The following PARD3 variants were observed in gnomAD, a reference collection of about 807,000 sequenced individuals.
The protein encoded by PARD3 is partitioning defective 3 homolog.
A neutral mutation model predicts 155.4 loss-of-function variants in PARD3; 75 were observed. The observed-to-expected ratio is 0.48, with a 90% CI of 0.40 to 0.58. The LOEUF is 0.58. Among genes scored for constraint, PARD3 ranks in the 20% least tolerant of loss-of-function variants. PARD3 has a pLI of 0.00. For missense variants in PARD3, 1,642 were observed against 1,721.7 expected (o/e 0.95, Z 0.82); for synonymous variants, 576 against 610.5 (o/e 0.94, Z 0.83).
At chr10:34,118,282 C>T (rs1946793286) in intron 24 of PARD3, among the ~76,000 whole-genome samples, 1 of 152,184 alleles carries the variant, frequency 6.6e-6, no homozygotes, top group African/African-American at 2.4e-5. Flanking sequence ...ATCCATGTCC[C>T]CTTGGCTGAC....
chr10:34,187,402 C>T (rs772129933), intron 22 of PARD3, among the ~76,000 whole-genome samples: 5 of 152,154 alleles, frequency 3.3e-5, no homozygotes, highest in Non-Finnish European at 4.4e-5. Flanking sequence ...ACAAGTACAA[C>T]AAAAACAGAT....
intron 22 of PARD3, among the ~76,000 whole-genome samples, chr10:34,263,303 T>C (rs1252465159): frequency 6.6e-6 from 1 of 152,164 alleles, no homozygotes; most frequent in Non-Finnish European, 1.5e-5. Flanking sequence ...CAAGTACCAT[T>C]ATTATCCCCA....
At position 34,162,561 on chromosome 10, in the gene PARD3, G is replaced by A. The variant is rs1051009682; in HGVS notation, c.3420-30978C>T. On this transcript the variant is annotated intron_variant, in intron 22 of 24. Coordinates refer to ENST00000374788, the MANE Select transcript of PARD3 (RefSeq NM_001184785.2). Reference sequence around the variant, plus strand: ...ATTTTGGCAGTGCCTACTATGCTATGTGTTATGCATAAAGTGATCACTAGA... The same window carrying A: ...ATTTTGGCAGTGCCTACTATGCTATATGTTATGCATAAAGTGATCACTAGA... 2.0e-5 allele frequency among the ~76,000 whole-genome samples: 3 copies of A among 152,280 alleles called. No individual in the cohort carries two copies. In the South Asian group the frequency reaches 6.2e-4, roughly 32 times the overall value.
At chr10:34,282,174 A>G (rs1041411261) in intron 21 of PARD3, among the ~76,000 whole-genome samples, 3 of 149,898 alleles carry the variant, frequency 2.0e-5, no homozygotes, top group Non-Finnish European at 3.0e-5. Context: ...CAAAATCCAT[A>G]AGTTTAAATA....
chr10:34,786,810 ATTTC>A (rs1385143687), intron 1 of PARD3, among the ~76,000 whole-genome samples: 1 of 152,152 alleles, frequency 6.6e-6, no homozygotes, highest in East Asian at 1.9e-4. Flanking sequence ...TCCTACATAT[ATTTC>A]TTTTCCAATA....
At chr10:34,346,355 C>A in intron 15 of PARD3, 1 of 1,282,488 alleles carries the variant, frequency 7.8e-7, no homozygotes, top group South Asian at 1.3e-5. Context: ...TTTAGTTTTT[C>A]GCCTTCCTCT....
chr10:34,240,430 C>CA (rs1386356733), intron 22 of PARD3, among the ~76,000 whole-genome samples: 2 of 152,022 alleles, frequency 1.3e-5, no homozygotes, highest in African/African-American at 4.8e-5. Context: ...AAGTTTTATA[C>CA]AAAAAAGTAT....
chr10:34,255,892 T>C (rs542934522), intron 22 of PARD3, among the ~76,000 whole-genome samples: 3 of 152,216 alleles, frequency 2.0e-5, no homozygotes, highest in Non-Finnish European at 2.9e-5. Context: ...CTATATACAT[T>C]TGTAGTATAA....
At chr10:34,683,448 G>C (rs1053040334) in intron 2 of PARD3, among the ~76,000 whole-genome samples, 3 of 151,218 alleles carry the variant, frequency 2.0e-5, no homozygotes, top group Non-Finnish European at 4.4e-5. Flanking sequence ...CCCATTTACA[G>C]ATGGGAAAAA....
chr10:34,348,069 G>GT lies in PARD3; in HGVS notation c.2113dup (p.Thr705AsnfsTer5). 6.2e-7 allele frequency: 1 copy of GT among 1,612,602 alleles called. No homozygotes were observed. The highest frequency in any genetic ancestry group is 8.5e-7 in the Non-Finnish European group (1 of 1,179,402). On this transcript the variant is annotated frameshift_variant, in exon 15 of 25. Coordinates refer to ENST00000374788, the MANE Select transcript of PARD3 (RefSeq NM_001184785.2). LOFTEE classifies it high-confidence loss of function. ...TCTTCGTTCTCTATCATCCAACGCT[G>GT]TTTCAATGGGCAGCTCAGGTCCAGG...
chr10:34,151,680 C>T (rs1948789204), intron 22 of PARD3, among the ~76,000 whole-genome samples: 1 of 152,138 alleles, frequency 6.6e-6, no homozygotes, highest in African/African-American at 2.4e-5. Context: ...TACAGGCATC[C>T]TCTCCTTTTC....
rs1422213000 is a variant in PARD3 at position 34,505,856 on chromosome 10, C to T, written c.403+11123G>A. On this transcript the variant is annotated intron_variant, in intron 3 of 24. Transcript: ENST00000374788. The stretch of plus-strand genomic sequence containing the variant: ...ACTTAGAAATACTGATGCCAGGCTG[C>T]ATGTGGTAGCTCACGCTTATAATCC... Among the ~76,000 whole-genome samples, 3 of 152,126 alleles carry T rather than the reference C, an allele frequency of 2.0e-5. No homozygotes were observed. The East Asian group carries it at 5.8e-4, about 29-fold the overall frequency.
chr10:34,730,357 T>C (rs1031047618), intron 1 of PARD3, among the ~76,000 whole-genome samples: 5 of 152,188 alleles, frequency 3.3e-5, no homozygotes, highest in African/African-American at 9.7e-5. Flanking sequence ...AGTTTGCAGA[T>C]TGAAAAGTTT....
chr10:34,457,254 C>T (rs1160668386), intron 4 of PARD3, among the ~76,000 whole-genome samples: 2 of 152,148 alleles, frequency 1.3e-5, no homozygotes, highest in African/African-American at 4.8e-5. Flanking sequence ...CTAAAACGGG[C>T]GCGGATTTCT....
intron 22 of PARD3, among the ~76,000 whole-genome samples, chr10:34,244,363 T>C (rs541443737): frequency 6.6e-6 from 1 of 152,290 alleles, no homozygotes; most frequent in Admixed American, 6.5e-5. Flanking sequence ...TAGTTAAACA[T>C]AGTGCCCAGT....
chr10:34,160,782 C>A (rs966361039), intron 22 of PARD3, among the ~76,000 whole-genome samples: 1 of 152,168 alleles, frequency 6.6e-6, no homozygotes, highest in African/African-American at 2.4e-5. Flanking sequence ...TTATTGACAG[C>A]TGGACTAAAG....
At chr10:34,205,732 A>C (rs549929496) in intron 22 of PARD3, among the ~76,000 whole-genome samples, 1 of 152,168 alleles carries the variant, frequency 6.6e-6, no homozygotes, top group Non-Finnish European at 1.5e-5. Flanking sequence ...CACCTCCTGC[A>C]CTTCCTCCTG....
chr10:34,279,231 C>CCT (rs1442268979), intron 21 of PARD3, among the ~76,000 whole-genome samples: 2 of 148,064 alleles, frequency 1.4e-5, no homozygotes, highest in South Asian at 4.3e-4. Context: ...CTCACTGCAG[C>CCT]CTCGAACTCC....
At chr10:34,475,012 A>G (rs2078618043) in intron 3 of PARD3, among the ~76,000 whole-genome samples, 1 of 152,216 alleles carries the variant, frequency 6.6e-6, no homozygotes, top group African/African-American at 2.4e-5. Flanking sequence ...CATATAAAAT[A>G]GGAAAGCATG....
Sources: allele counts gnomAD v4.1 joint callset (sites outside exome capture counted in the v4.1 genomes callset), GRCh38; gene constraint gnomAD v4.1.1; transcripts MANE v1.5; gene names NCBI Gene and HGNC (gene_info 2026-07-23, HGNC 2026-07-21).